CARD6: variants seen among roughly 807,000 people sequenced by gnomAD.
CARD6 encodes caspase recruitment domain family member 6, also known as caspase recruitment domain-containing protein 6.
Under a neutral mutation model 23.6 loss-of-function variants are expected in CARD6, and 27 were observed. That is an observed-to-expected ratio of 1.14 (90% CI 0.84 to 1.58). CARD6 has a LOEUF of 1.58. Among genes scored for constraint, CARD6 ranks in the 40% most tolerant of loss-of-function variants. The pLI is 0.00. For missense variants in CARD6, 1,214 were observed against 1,209.9 expected (o/e 1.00, Z -0.05); for synonymous variants, 397 against 431.8 (o/e 0.92, Z 1.00).
chr5:40,844,953 C>T (rs1309163208), intron 2 of CARD6, among the ~76,000 whole-genome samples: 5 of 151,378 alleles, frequency 3.3e-5, no homozygotes, highest in Admixed American at 2.6e-4. Context: ...CTGTACCCTC[C>T]GCCTCCCGGG....
intron 2 of CARD6, among the ~76,000 whole-genome samples, chr5:40,846,979 A>G (rs986163181): frequency 3.9e-5 from 6 of 152,212 alleles, no homozygotes; most frequent in African/African-American, 1.4e-4. Flanking sequence ...CTTGCAAAAT[A>G]AGATAGCAAA....
chr5:40,854,478 C>A lies in CARD6; in HGVS notation c.*32C>A. ...AACTCCAGAGATCTATAAAGCATAT[C>A]CTTTACCCAGGCCATTCCTATCATA... On this transcript the variant is annotated 3_prime_UTR_variant, in exon 3 of 3. Transcript: ENST00000254691. 2 of 1,545,582 alleles carry A rather than the reference C, an allele frequency of 1.3e-6. No homozygotes were observed. The highest frequency in any genetic ancestry group is 1.8e-6 in the Non-Finnish European group (2 of 1,123,206).
chr5:40,846,370 G>GC (rs1232966057), intron 2 of CARD6, among the ~76,000 whole-genome samples: 1 of 122,186 alleles, frequency 8.2e-6, no homozygotes, highest in Admixed American at 9.3e-5. Flanking sequence ...GCAAGGTGGA[G>GC]GGGGGGAGAC....
At chr5:40,841,812 A>G in intron 1 of CARD6, 147 bp downstream of exon 1, 1 of 704,992 alleles carries the variant, frequency 1.4e-6, no homozygotes, top group Non-Finnish European at 2.3e-6. Context: ...ATAGGGAAAA[A>G]CTGGAATTTA....
chr5:40,845,751 T>C (rs1214259764), intron 2 of CARD6, among the ~76,000 whole-genome samples: 3 of 152,144 alleles, frequency 2.0e-5, no homozygotes, highest in Non-Finnish European at 2.9e-5. Flanking sequence ...TTTTTTTCTG[T>C]ATCAGGTACT....
Position 40,853,398 on chromosome 5 carries a change from A to G in CARD6, c.2066A>G (p.Gln689Arg). 4 of 1,614,184 alleles carry G rather than the reference A, an allele frequency of 2.5e-6. No individual in the cohort carries two copies. The South Asian group carries it at 4.4e-5, about 18-fold the overall frequency. ...AEGEGQQRHS[Q>R]LKSSSKSQAL... is the part of the protein sequence containing the mutation. ...GGTGAGGGTCAGCAAAGACACAGTC[A>G]GCTAAAAAGCTCATCTAAAAGCCAG... The change falls in exon 3 of 3, where the codon CAG (glutamine) becomes CGG (arginine). Residue 689 changes from glutamine (Q) to arginine (R), a missense_variant. Gln to Arg is a conservative substitution (Grantham distance 43). Transcript: ENST00000254691.
chr5:40,843,515 G>A lies in CARD6; in HGVS notation c.647G>A (p.Gly216Glu). 1 of 1,608,210 alleles carries A rather than the reference G, an allele frequency of 6.2e-7. No individual in the cohort carries two copies. Among genetic ancestry groups the A allele is most frequent in the African/African-American group, 1.3e-5 (1 of 74,562 alleles). The change falls in exon 2 of 3, where the codon GGA becomes GAA. Residue 216 changes from glycine (G) to glutamate (E), a missense_variant. Gly to Glu is a moderately conservative substitution (Grantham distance 98). Transcript: ENST00000254691. ...TACTTAGGAAAAGAGGAATATCTAGGATCTGTTGACACCCCTGAAGATGCA... is the reference window on the plus strand; with the variant it reads ...TACTTAGGAAAAGAGGAATATCTAGAATCTGTTGACACCCCTGAAGATGCA... Reference protein sequence around the residue: ...SLYLGKEEYLGSVDTPEDAEA... With the variant: ...SLYLGKEEYLESVDTPEDAEA...
chr5:40,847,282 A>G (rs1208111841), intron 2 of CARD6, among the ~76,000 whole-genome samples: 1 of 152,254 alleles, frequency 6.6e-6, no homozygotes, highest in Non-Finnish European at 1.5e-5. Context: ...ACAGTGTCAC[A>G]GTCTCAGAAA....
intron 2 of CARD6, among the ~76,000 whole-genome samples, chr5:40,846,302 C>A: frequency 6.6e-6 from 1 of 152,052 alleles, no homozygotes. Context: ...CATGAGCCAC[C>A]GCGCCTGGCC....
At chr5:40,842,391 C>T (rs1318750172) in intron 1 of CARD6, among the ~76,000 whole-genome samples, 2 of 152,144 alleles carry the variant, frequency 1.3e-5, no homozygotes, top group East Asian at 3.9e-4. Context: ...TAATTTAGGA[C>T]AAGATTTATA....
Position 40,853,595 on chromosome 5 carries a change from C to G in CARD6, c.2263C>G (p.Arg755Gly). 1.2e-6 allele frequency: 2 copies of G among 1,614,186 alleles called. No homozygotes were observed. Among genetic ancestry groups the G allele is most frequent in the Non-Finnish European group, 1.7e-6 (2 of 1,180,038 alleles). ...VSLKASWVMG[R>G]PFGSEQRPKW... ...CTTGAAAGCCTCCTGGGTTATGGGCCGCCCCTTTGGGTCAGAGCAGAGGCC... is the reference window on the plus strand; with the variant it reads ...CTTGAAAGCCTCCTGGGTTATGGGCGGCCCCTTTGGGTCAGAGCAGAGGCC... Residue 755 changes from arginine to glycine, a missense_variant, in exon 3 of 3, where the codon CGC becomes GGC. Physicochemically the swap from Arg to Gly is moderately radical, Grantham distance 125. Coordinates refer to ENST00000254691, the MANE Select transcript of CARD6 (RefSeq NM_032587.4).
chr5:40,853,288 G>T lies in CARD6; in HGVS notation c.1956G>T (p.Glu652Asp). The T allele has an allele frequency of 6.2e-7, 1 of 1,614,188 alleles. No individual in the cohort carries two copies. The highest frequency in any genetic ancestry group is 8.5e-7 in the Non-Finnish European group (1 of 1,180,030). Residue 652 changes from glutamate to aspartate, a missense_variant, in exon 3 of 3, where the codon GAG becomes GAT. Coordinates refer to ENST00000254691, the MANE Select transcript of CARD6 (RefSeq NM_032587.4). ...SVEDMAALAR[E>D]LGIQVDEDFE... is the part of the protein sequence containing the mutation. ...AGGATATGGCCGCCCTGGCCAGGGA[G>T]CTGGGGATTCAGGTAGATGAAGACT... is the stretch of plus-strand genomic sequence containing the variant.
rs749841915 is a variant in CARD6, at chr5:40,852,339, G to A, written c.1007G>A (p.Arg336Gln). The change falls in exon 3 of 3, where the codon CGA (arginine) becomes CAA (glutamine). Residue 336 changes from arginine (R) to glutamine (Q), a missense_variant. Coordinates refer to ENST00000254691, the MANE Select transcript of CARD6 (RefSeq NM_032587.4). ...AATTTCCTGATGAAAGTTCAAGCAC[G>A]AGATGTGACGGCTAGGGATTCAATC... ...AWNFLMKVQA[R>Q]DVTARDSILS... is the part of the protein sequence containing the mutation. The A allele has an allele frequency of 3.7e-6, 6 of 1,613,978 alleles. No homozygotes were observed. Among genetic ancestry groups the A allele is most frequent in the Non-Finnish European group, 4.2e-6 (5 of 1,180,000 alleles).
At chr5:40,845,994 T>C (rs552297161) in intron 2 of CARD6, among the ~76,000 whole-genome samples, 306 of 152,154 alleles carry the variant, frequency 2.0e-3, no homozygotes, top group Non-Finnish European at 3.9e-3. Context: ...TGGGCTTGTT[T>C]TCAGAATAGA....
rs10052625 is a variant in CARD6, at chr5:40,855,043, T to G, written c.*597T>G. 4 of 152,866 alleles carry G rather than the reference T, an allele frequency of 2.6e-5. No homozygotes were observed. The highest frequency in any genetic ancestry group is 7.2e-5 in the African/African-American group (3 of 41,390). The allele number at this position is 152,866 out of a possible 1,614,324, so 9.5% of individuals were successfully genotyped here. A position where few individuals can be genotyped will look rare whatever the true frequency, so the allele number is the denominator to read the frequency against. On this transcript the variant is annotated 3_prime_UTR_variant, in exon 3 of 3. Coordinates refer to ENST00000254691, the MANE Select transcript of CARD6 (RefSeq NM_032587.4). ...ATAACTTGCACCCAGGGAATGGGGG[T>G]CTATGAGACAACCCCACTTGGAGAA...
At chr5:40,843,817 A>G (rs1745920785) in intron 2 of CARD6, 108 bp downstream of exon 2, 2 of 691,816 alleles carry the variant, frequency 2.9e-6, no homozygotes, top group South Asian at 3.6e-5. Flanking sequence ...GTCAGCAGAA[A>G]ATCAACTACT....
In CARD6 at chr5:40,841,392, G is replaced by A. The variant is rs781587249; in HGVS notation, c.10G>A (p.Glu4Lys). 2.3e-5 allele frequency: 36 copies of A among 1,595,950 alleles called. No individual in the cohort carries two copies. Among genetic ancestry groups the A allele is most frequent in the South Asian group, 1.6e-4 (14 of 88,906 alleles). The change falls in exon 1 of 3, where the codon GAG (glutamate) becomes AAG (lysine). Residue 4 changes from glutamate to lysine, a missense_variant. By Grantham distance (56) the Glu-to-Lys change is moderately conservative. Transcript: ENST00000254691. The part of the protein sequence containing the change: MAT[E>K]STPSEIIERE... ...AGAGGAAACAGGAACAATGGCTACC[G>A]AGAGTACTCCCTCAGAGATCATAGA...
Position 40,843,149 on chromosome 5 carries a change from C to T in CARD6, c.284-3C>T. 1 of 1,560,628 alleles carries T rather than the reference C, an allele frequency of 6.4e-7. No individual in the cohort carries two copies. Reference sequence around the variant, plus strand: ...TTGGGAAAAACAATTCTTTTCTTTGCAGAAGTTTTAAAACATGAGAATACA... The same window carrying T: ...TTGGGAAAAACAATTCTTTTCTTTGTAGAAGTTTTAAAACATGAGAATACA... On this transcript the variant is annotated splice_polypyrimidine_tract_variant and splice_region_variant and intron_variant, in intron 1 of 2. Transcript: ENST00000254691.
In CARD6 at chr5:40,843,540, A is replaced by T. The variant is rs543158501; in HGVS notation, c.672A>T (p.Ala224=). The T allele has an allele frequency of 3.9e-5, 63 of 1,608,354 alleles. No homozygotes were observed. The highest frequency in any genetic ancestry group is 5.3e-5 in the Non-Finnish European group (63 of 1,178,538). Reference sequence around the variant, plus strand: ...GATCTGTTGACACCCCTGAAGATGCAGAAGCCACTGTGGAAGAGGAGGTTT... The same window carrying T: ...GATCTGTTGACACCCCTGAAGATGCTGAAGCCACTGTGGAAGAGGAGGTTT... ...YLGSVDTPED[A]EATVEEEVYD... Residue 224 remains alanine (A), a synonymous_variant, in exon 2 of 3, where the codon GCA becomes GCT. Coordinates refer to ENST00000254691, the MANE Select transcript of CARD6 (RefSeq NM_032587.4).
Sources: allele counts gnomAD v4.1 joint callset (sites outside exome capture counted in the v4.1 genomes callset), GRCh38; gene constraint gnomAD v4.1.1; transcripts MANE v1.5; gene names NCBI Gene and HGNC (gene_info 2026-07-23, HGNC 2026-07-21).